BMERB1: variants seen among roughly 807,000 people sequenced by gnomAD.
BMERB1 encodes bMERB domain containing 1.
In BMERB1, 12 loss-of-function variants were observed where a neutral mutation model predicts 23.6. That is an observed-to-expected ratio of 0.51 (90% CI 0.33 to 0.82). The LOEUF (loss-of-function observed/expected upper bound fraction) is 0.82. Ranked by LOEUF, BMERB1 falls within the 40% of genes least tolerant of loss-of-function variation. BMERB1 has a pLI of 0.03. For missense variants in BMERB1, 247 were observed against 255.4 expected, an observed-to-expected ratio of 0.97 and a Z score of 0.22; for synonymous variants, 122 against 96.6, an observed-to-expected ratio of 1.26 and a Z score of -1.54.
At chr16:15,436,030 G>A (rs543214032) in intron 1 of BMERB1, among the ~76,000 whole-genome samples, 15 of 152,108 alleles carry the variant, frequency 9.9e-5, no homozygotes, top group African/African-American at 3.4e-4. Context: ...AGGGCTGAGG[G>A]TCTCTGTTTC....
At chr16:15,517,925 ATGTGTGTGTGCATGTGTGGG>A (rs1567480490) in intron 2 of BMERB1, among the ~76,000 whole-genome samples, 3 of 118,282 alleles carry the variant, frequency 2.5e-5, no homozygotes, top group South Asian at 2.8e-4. Flanking sequence ...GTGTGTGAGG[ATGTGTGTGTGCATGTGTGGG>A]TGTGTGTGTG....
At chr16:15,480,550 A>T (rs1162284684) in intron 1 of BMERB1, among the ~76,000 whole-genome samples, 1 of 149,706 alleles carries the variant, frequency 6.7e-6, no homozygotes, top group African/African-American at 2.5e-5. Context: ...TTGTGTGCCT[A>T]GACTCTTTTT....
chr16:15,499,860 C>G (rs1335122807), intron 1 of BMERB1, among the ~76,000 whole-genome samples: 1 of 152,168 alleles, frequency 6.6e-6, no homozygotes, highest in Non-Finnish European at 1.5e-5. Context: ...CAAAGACCTT[C>G]CAGCTCCAGA....
At chr16:15,528,963 C>G (rs2051938844) in intron 2 of BMERB1, among the ~76,000 whole-genome samples, 1 of 152,126 alleles carries the variant, frequency 6.6e-6, no homozygotes, top group Non-Finnish European at 1.5e-5. Context: ...GACACTGAAT[C>G]TGCTGACACC....
intron 1 of BMERB1, among the ~76,000 whole-genome samples, chr16:15,461,843 A>C (rs2051138259): frequency 6.6e-6 from 1 of 152,100 alleles, no homozygotes; most frequent in Non-Finnish European, 1.5e-5. Context: ...TTGAGGCAGG[A>C]GGATCACCTG....
At chr16:15,451,161 G>A (rs971830463) in intron 1 of BMERB1, among the ~76,000 whole-genome samples, 2 of 152,272 alleles carry the variant, frequency 1.3e-5, no homozygotes, top group Middle Eastern at 3.4e-3. Flanking sequence ...TTATTTCCGT[G>A]CAACCTTTCG....
chr16:15,446,872 TTCAC>T (rs1297298985), intron 1 of BMERB1, among the ~76,000 whole-genome samples: 5 of 152,190 alleles, frequency 3.3e-5, no homozygotes, highest in African/African-American at 1.2e-4. Context: ...GTTGAAGACG[TTCAC>T]AAAAATGGAG....
intron 2 of BMERB1, among the ~76,000 whole-genome samples, chr16:15,562,025 C>T (rs1482564693): frequency 3.9e-5 from 6 of 151,918 alleles, no homozygotes; most frequent in South Asian, 2.1e-4. Context: ...TAAAACATGA[C>T]GGCTAGGTGC....
rs779198476 is a variant in BMERB1 at position 15,581,242 on chromosome 16, G to T, written c.330G>T (p.Lys110Asn). Residue 110 changes from lysine (K) to asparagine (N), a missense_variant, in exon 4 of 6, where the codon AAG (lysine) becomes AAT (asparagine). Transcript: ENST00000300006. ...IPEKEKTKLQ[K>N]QREDELIQKI... is the part of the protein sequence containing the mutation. ...AAAAAGAAAAAACCAAACTGCAGAA[G>T]CAGAGAGAGGATGAGCTAATCCAGA... The T allele has an allele frequency of 6.3e-5, 101 of 1,613,490 alleles. No homozygotes were observed. Among genetic ancestry groups the T allele is most frequent in the Admixed American group, 4.2e-4 (25 of 59,892 alleles).
intron 1 of BMERB1, among the ~76,000 whole-genome samples, chr16:15,449,892 A>C (rs2051027007): frequency 6.6e-6 from 1 of 151,498 alleles, no homozygotes; most frequent in African/African-American, 2.4e-5. Flanking sequence ...GAGATGGGCA[A>C]ATTTTTCTTT....
intron 1 of BMERB1, among the ~76,000 whole-genome samples, chr16:15,480,721 C>G (rs529294810): frequency 7.1e-6 from 1 of 140,328 alleles, no homozygotes; most frequent in East Asian, 2.2e-4. Flanking sequence ...TCAAGTGATT[C>G]TTCAGCCTCA....
chr16:15,582,814 T>C (rs1244326796), intron 4 of BMERB1, among the ~76,000 whole-genome samples: 1 of 152,150 alleles, frequency 6.6e-6, no homozygotes, highest in African/African-American at 2.4e-5. Flanking sequence ...CCTCATACTT[T>C]GTGGGAGCAC....
At chr16:15,488,602 G>C (rs2051387551) in intron 1 of BMERB1, among the ~76,000 whole-genome samples, 1 of 151,588 alleles carries the variant, frequency 6.6e-6, no homozygotes, top group South Asian at 2.1e-4. Flanking sequence ...GGGAGGCCGA[G>C]GCGGGTGGAT....
chr16:15,463,549 T>C (rs766933191), intron 1 of BMERB1, among the ~76,000 whole-genome samples: 2 of 152,146 alleles, frequency 1.3e-5, no homozygotes, highest in Non-Finnish European at 2.9e-5. Context: ...CCACCTTCCC[T>C]TGCCTCGTCG....
At chr16:15,491,788 A>AT (rs753656991) in intron 1 of BMERB1, among the ~76,000 whole-genome samples, 24 of 152,110 alleles carry the variant, frequency 1.6e-4, no homozygotes, top group Non-Finnish European at 2.9e-4. Context: ...GTCAGCTCAA[A>AT]TGCCACTTTC....
At chr16:15,483,339 C>T (rs1295120960) in intron 1 of BMERB1, among the ~76,000 whole-genome samples, 1 of 152,136 alleles carries the variant, frequency 6.6e-6, no homozygotes, top group African/African-American at 2.4e-5. Flanking sequence ...TACTAGGAGG[C>T]ACTTGAACGG....
intron 1 of BMERB1, among the ~76,000 whole-genome samples, chr16:15,475,585 A>G (rs944905284): frequency 2.0e-5 from 3 of 147,970 alleles, no homozygotes; most frequent in Non-Finnish European, 4.4e-5. Context: ...TGGCAATAAC[A>G]TGTGACAAAA....
At chr16:15,447,235 CACCTGGCCGA>C (rs2050997824) in intron 1 of BMERB1, among the ~76,000 whole-genome samples, 1 of 152,176 alleles carries the variant, frequency 6.6e-6, no homozygotes, top group Non-Finnish European at 1.5e-5. Flanking sequence ...CTCACAGTTC[CACCTGGCCGA>C]AGAGTCCTCA....
At chr16:15,501,979 G>A (rs1055969997) in intron 1 of BMERB1, among the ~76,000 whole-genome samples, 1 of 152,138 alleles carries the variant, frequency 6.6e-6, no homozygotes, top group Non-Finnish European at 1.5e-5. Context: ...TGTGGCTAGT[G>A]TTCTATTTCA....
Sources: gnomAD v4.1 joint callset for allele counts (sites outside exome capture counted in the v4.1 genomes callset) on GRCh38, gnomAD v4.1.1 for gene constraint, MANE v1.5 for transcripts, NCBI Gene and HGNC (gene_info 2026-07-23, HGNC 2026-07-21) for gene names.